ASTN2: variants seen among roughly 807,000 people sequenced by gnomAD.
The protein encoded by ASTN2 is astrotactin-2.
ASTN2 carries 54 observed loss-of-function variants against 139.8 expected under a neutral mutation model. The observed-to-expected ratio is 0.39, with a 90% CI of 0.31 to 0.48. The LOEUF (loss-of-function observed/expected upper bound fraction) is 0.48, where lower values mean the gene tolerates loss of function less well. Among genes scored for constraint, ASTN2 ranks in the 20% least tolerant of loss-of-function variants. The pLI is 0.95. For missense variants in ASTN2, 1,565 were observed against 1,725.1 expected (o/e 0.91, Z 1.64); for synonymous variants, 756 against 719.5 (o/e 1.05, Z -0.81).
chr9:116,832,940 T>TTTTATTTATTTATTTATTTATTTA lies in ASTN2; in HGVS notation c.2041-12158_2041-12157insTAAATAAATAAATAAATAAATAAA, dbSNP rs376636277. On this transcript the variant is annotated intron_variant, in intron 11 of 22. Coordinates refer to ENST00000313400, the MANE Select transcript of ASTN2 (RefSeq NM_001365068.1). ...TTTCTGGAAGATTTTTTTTGTTTTGTTTTATTTATTTATTTATTTATTTTT... is the reference window on the plus strand; with the variant it reads ...TTTCTGGAAGATTTTTTTTGTTTTGTTTTATTTATTTATTTATTTATTTATTTATTTATTTATTTATTTATTTTT... Among the ~76,000 whole-genome samples the TTTTATTTATTTATTTATTTATTTA allele has an allele frequency of 5.5e-3, 825 of 149,898 alleles. 2 individuals are homozygous for TTTTATTTATTTATTTATTTATTTA. Among genetic ancestry groups the TTTTATTTATTTATTTATTTATTTA allele is most frequent in the East Asian group, 0.018 (89 of 5,060 alleles).
intron 11 of ASTN2, among the ~76,000 whole-genome samples, chr9:116,852,927 T>C (rs956763701): frequency 1.5e-5 from 2 of 131,904 alleles, no homozygotes; most frequent in Non-Finnish European, 3.2e-5. Flanking sequence ...ACGGTTAAGA[T>C]CAAGCTAGGA....
chr9:116,590,043 G>A (rs1854315830), intron 19 of ASTN2, among the ~76,000 whole-genome samples: 1 of 152,230 alleles, frequency 6.6e-6, no homozygotes, highest in African/African-American at 2.4e-5. Flanking sequence ...CAGCCCATAT[G>A]AAGCGGCCAC....
chr9:117,147,465 C>CACA (rs61232645), intron 3 of ASTN2, among the ~76,000 whole-genome samples: 18,515 of 143,310 alleles, frequency 0.13, 1,269 homozygotes, highest in Non-Finnish European at 0.17. Flanking sequence ...ACACACACAC[C>CACA]CCCGTTATCC....
At chr9:116,974,055 C>T (rs997880022) in intron 10 of ASTN2, among the ~76,000 whole-genome samples, 1 of 152,144 alleles carries the variant, frequency 6.6e-6, no homozygotes, top group African/African-American at 2.4e-5. Context: ...TGTTGAAAAA[C>T]AGTCACTGGT....
intron 7 of ASTN2, among the ~76,000 whole-genome samples, chr9:116,977,715 CTTTTT>C (rs386416041): frequency 2.2e-4 from 27 of 122,176 alleles, no homozygotes; most frequent in African/African-American, 6.6e-4. Context: ...ATTTCTTTTT[CTTTTT>C]TTTTTTTTTT....
intron 1 of ASTN2, among the ~76,000 whole-genome samples, chr9:117,363,962 TCCA>T (rs1368849076): frequency 1.3e-5 from 2 of 152,156 alleles, no homozygotes; most frequent in Non-Finnish European, 2.9e-5. Context: ...TTGTTTTGTA[TCCA>T]CCTGTCTAAA....
chr9:116,738,907 G>C (rs1216938773), intron 13 of ASTN2, among the ~76,000 whole-genome samples: 1 of 152,178 alleles, frequency 6.6e-6, no homozygotes, highest in African/African-American at 2.4e-5. Flanking sequence ...AGGCAGTTCT[G>C]TTATTCACCA....
chr9:117,383,683 GA>G (rs1217480757), intron 1 of ASTN2, among the ~76,000 whole-genome samples: 1 of 151,984 alleles, frequency 6.6e-6, no homozygotes, highest in African/African-American at 2.4e-5. Context: ...ACAGAAAGTG[GA>G]AAAAATATAT....
At chr9:117,332,965 T>C (rs1201605971) in intron 1 of ASTN2, among the ~76,000 whole-genome samples, 1 of 152,170 alleles carries the variant, frequency 6.6e-6, no homozygotes, top group Non-Finnish European at 1.5e-5. Context: ...AGTGGTTGCT[T>C]AGGGGAGTGG....
At chr9:117,200,125 C>T (rs968881412) in intron 3 of ASTN2, among the ~76,000 whole-genome samples, 3 of 151,388 alleles carry the variant, frequency 2.0e-5, no homozygotes, top group Non-Finnish European at 4.4e-5. Flanking sequence ...TACATGTGCG[C>T]AATGTGCAGG....
intron 3 of ASTN2, among the ~76,000 whole-genome samples, chr9:117,162,186 A>G (rs1377159841): frequency 6.6e-6 from 1 of 152,080 alleles, no homozygotes; most frequent in African/African-American, 2.4e-5. Context: ...AAGAACAGGT[A>G]ACTTTTGAAG....
chr9:117,318,951 T>C (rs1487850262), intron 1 of ASTN2, among the ~76,000 whole-genome samples: 1 of 152,202 alleles, frequency 6.6e-6, no homozygotes, highest in Non-Finnish European at 1.5e-5. Flanking sequence ...GAGTTTCAAC[T>C]AGTCACTGCG....
intron 10 of ASTN2, among the ~76,000 whole-genome samples, chr9:116,870,751 G>A (rs572702902): frequency 6.6e-6 from 1 of 152,132 alleles, no homozygotes; most frequent in East Asian, 1.9e-4. Context: ...GTGAGCATTA[G>A]GCAGGGTGGC....
intron 1 of ASTN2, among the ~76,000 whole-genome samples, chr9:117,399,564 G>C (rs1830769330): frequency 6.6e-6 from 1 of 152,116 alleles, no homozygotes. Context: ...TCCATTTACT[G>C]AAAGTTATTT....
At chr9:117,225,120 G>T (rs1016731) in intron 2 of ASTN2, among the ~76,000 whole-genome samples, 66,443 of 151,922 alleles carry the variant, frequency 0.44, 15,177 homozygotes, top group African/African-American at 0.54. Context: ...ACACAGCACA[G>T]AGTAGTAGAT....
chr9:117,073,951 T>C (rs573408658), intron 5 of ASTN2, among the ~76,000 whole-genome samples: 1 of 152,140 alleles, frequency 6.6e-6, no homozygotes, highest in Non-Finnish European at 1.5e-5. Context: ...GTTAGCTCTG[T>C]GGTCTGGGGG....
chr9:117,202,456 G>T lies in ASTN2; in HGVS notation c.1015+11902C>A, dbSNP rs147347504. On this transcript the variant is annotated intron_variant, in intron 3 of 22. Transcript: ENST00000313400. ...TTGTCATCGGTCTTCATATTTTGGT[G>T]TATTTTTGCAGTGCCTGGTACGAGT... is the stretch of plus-strand genomic sequence containing the variant. Among the ~76,000 whole-genome samples, 1,393 of 152,222 alleles carry T rather than the reference G, an allele frequency of 9.2e-3. 22 individuals carry two copies. Among genetic ancestry groups the T allele is most frequent in the African/African-American group, 0.032 (1,339 of 41,540 alleles).
intron 13 of ASTN2, among the ~76,000 whole-genome samples, chr9:116,801,869 A>G (rs1210322370): frequency 6.6e-6 from 1 of 152,040 alleles, no homozygotes. Flanking sequence ...TCATCAAAAG[A>G]GAAAATCCTG....
At chr9:117,052,852 G>T (rs779000474) in intron 5 of ASTN2, among the ~76,000 whole-genome samples, 4 of 152,184 alleles carry the variant, frequency 2.6e-5, no homozygotes, top group African/African-American at 4.8e-5. Flanking sequence ...CTGGTCATGC[G>T]ATTCAAAACT....
Sources: gnomAD v4.1 joint callset for allele counts (sites outside exome capture counted in the v4.1 genomes callset) on GRCh38, gnomAD v4.1.1 for gene constraint, MANE v1.5 for transcripts, NCBI Gene and HGNC (gene_info 2026-07-23, HGNC 2026-07-21) for gene names.